APC: variants seen among roughly 807,000 people sequenced by gnomAD.
The protein encoded by APC is APC regulator of Wnt signaling pathway.
APC carries 72 observed loss-of-function variants against 247.0 expected under a neutral mutation model. That is an observed-to-expected ratio of 0.29 (90% CI 0.24 to 0.35). The LOEUF (loss-of-function observed/expected upper bound fraction) is 0.35. Ranked by LOEUF, APC falls within the 10% of genes least tolerant of loss-of-function variation. APC has a pLI of 1.00. For missense variants in APC, 3,400 were observed against 3,360.7 expected (o/e 1.01, Z -0.29); for synonymous variants, 1,254 against 1,162.5 (o/e 1.08, Z -1.60).
upstream of APC, among the ~76,000 whole-genome samples, chr5:112,736,476 A>G (rs562334591): frequency 3.9e-5 from 6 of 152,330 alleles, no homozygotes; most frequent in East Asian, 3.9e-4. Flanking sequence ...AATAACCTCT[A>G]TGGACATTTT....
intron 6 of APC, among the ~76,000 whole-genome samples, chr5:112,790,911 C>T (rs550933785): frequency 6.6e-6 from 1 of 152,176 alleles, no homozygotes; most frequent in Non-Finnish European, 1.5e-5. Flanking sequence ...AACACACACA[C>T]ACCCCTTATT....
intron 5 of APC, among the ~76,000 whole-genome samples, chr5:112,779,973 C>T (rs1758144655): frequency 6.6e-6 from 1 of 152,090 alleles, no homozygotes. Flanking sequence ...TATAACATTG[C>T]CTGATTCCCT....
rs1554088258 is a variant in APC, at chr5:112,842,929, A to G, written c.7335A>G (p.Lys2445=). 1 of 1,614,076 alleles carries G rather than the reference A, an allele frequency of 6.2e-7. No individual in the cohort carries two copies. The highest frequency in any genetic ancestry group is 8.5e-7 in the Non-Finnish European group (1 of 1,179,930). ...TAGTACGCCAGTCAACTTTCATCAA[A>G]GAAGCTCCAAGCCCAACCTTAAGAA... ...PVLVRQSTFI[K]EAPSPTLRRK... Residue 2445 remains lysine (K), a synonymous_variant, in exon 16 of 16, where the codon AAA becomes AAG. Transcript: ENST00000257430.
intron 5 of APC, chr5:112,777,856 C>T (rs878882512): frequency 4.8e-5 from 11 of 230,548 alleles, no homozygotes; most frequent in African/African-American, 2.1e-4. Context: ...TTTAGTTTGT[C>T]AGCAGCATCC....
intron 1 of APC, among the ~76,000 whole-genome samples, chr5:112,718,939 A>T (rs886987444): frequency 6.6e-6 from 1 of 152,234 alleles, no homozygotes; most frequent in African/African-American, 2.4e-5. Flanking sequence ...TTGCCTTTTA[A>T]TTCCTTTAAA....
intron 7 of APC, among the ~76,000 whole-genome samples, chr5:112,794,118 A>G (rs918734015): frequency 8.6e-5 from 13 of 151,336 alleles, no homozygotes; most frequent in Admixed American, 6.6e-4. Context: ...AAGTCTCTTT[A>G]AAAAGTTTCT....
intron 8 of APC, among the ~76,000 whole-genome samples, chr5:112,813,620 T>C (rs1762196302): frequency 6.6e-6 from 1 of 152,090 alleles, no homozygotes; most frequent in South Asian, 2.1e-4. Flanking sequence ...AAGAAAAGTT[T>C]CTAATACGTC....
intron 7 of APC, among the ~76,000 whole-genome samples, chr5:112,793,510 C>G (rs1012303780): frequency 2.0e-5 from 3 of 151,878 alleles, no homozygotes; most frequent in African/African-American, 7.3e-5. Flanking sequence ...TGGAAAAATT[C>G]ACCCAACAAA....
At chr5:112,791,156 AACACACAC>A (rs147798111) in intron 6 of APC, among the ~76,000 whole-genome samples, 1 of 150,672 alleles carries the variant, frequency 6.6e-6, no homozygotes, top group African/African-American at 2.4e-5. Context: ...TAGCTTAAAA[AACACACAC>A]ACACACACAC....
chr5:112,713,685 TGAGA>T (rs1294369408), intron 1 of APC, among the ~76,000 whole-genome samples: 2 of 152,212 alleles, frequency 1.3e-5, no homozygotes, highest in African/African-American at 2.4e-5. Context: ...GTTTATTTTC[TGAGA>T]GAGAGTCTCG....
Position 112,815,538 on chromosome 5 carries a change from G to A in APC, c.878G>A (p.Ser293Asn), listed in dbSNP as rs1040502776. The A allele has an allele frequency of 1.2e-6, 2 of 1,612,374 alleles. No individual in the cohort carries two copies. The highest frequency in any genetic ancestry group is 1.7e-6 in the Non-Finnish European group (2 of 1,178,926). The change falls in exon 9 of 16, where the codon AGT becomes AAT. Residue 293 changes from serine to asparagine, a missense_variant. Transcript: ENST00000257430. ...RMDHETASVL[S>N]SSSTHSAPRR... ...GACCATGAAACAGCCAGTGTTTTGA[G>A]TTCTAGTAGCACACACTCTGCACCT...
chr5:112,772,536 A>G (rs531954588), intron 4 of APC, among the ~76,000 whole-genome samples: 13 of 146,738 alleles, frequency 8.9e-5, no homozygotes, highest in Non-Finnish European at 1.9e-4. Flanking sequence ...TTTTTTTTTA[A>G]GACGAAATCT....
Position 112,731,550 on chromosome 5 carries a change from C to T in APC, c.165+23668C>T, listed in dbSNP as rs114058385. The stretch of plus-strand genomic sequence containing the variant: ...GTGAATACCTCCCATTAGGCTGCAG[C>T]TCCCAACACTGTTGCATTGGGGATT... On this transcript the variant is annotated intron_variant, in intron 1 of 13. Transcript: ENST00000507379. Among the ~76,000 whole-genome samples the T allele has an allele frequency of 3.8e-3, 576 of 152,300 alleles. 6 individuals carry two copies. The highest frequency in any genetic ancestry group is 0.013 in the African/African-American group (552 of 41,564).
intron 2 of APC, among the ~76,000 whole-genome samples, chr5:112,756,144 T>G (rs993002448): frequency 1.3e-5 from 2 of 152,234 alleles, no homozygotes; most frequent in African/African-American, 2.4e-5. Context: ...CTCCAGACTT[T>G]TGTGTGTCAC....
In APC at chr5:112,827,225, C is replaced by T; in HGVS notation, c.1526C>T (p.Thr509Ile). 1 of 1,613,856 alleles carries T rather than the reference C, an allele frequency of 6.2e-7. No homozygotes were observed. Among genetic ancestry groups the T allele is most frequent in the Non-Finnish European group, 8.5e-7 (1 of 1,179,882 alleles). The change falls in exon 12 of 16, where the codon ACT becomes ATT. Residue 509 changes from threonine to isoleucine, a missense_variant. By Grantham distance (89) the Thr-to-Ile change is moderately conservative. This residue lies in a region of APC where 184 missense variants were observed against 248.0 expected (regional missense o/e 0.74). Coordinates refer to ENST00000257430, the MANE Select transcript of APC (RefSeq NM_000038.6). ...GCTGGAATGGCTTTGACAAACTTGA[C>T]TTTTGGAGATGTAGCCAACAAGGTA... Reference protein sequence around the residue: ...RYAGMALTNLTFGDVANKATL... With the variant: ...RYAGMALTNLIFGDVANKATL...
intron 1 of APC, among the ~76,000 whole-genome samples, chr5:112,720,734 T>A (rs1173098873): frequency 6.6e-6 from 1 of 152,226 alleles, no homozygotes; most frequent in Non-Finnish European, 1.5e-5. Context: ...GGAGACATAG[T>A]AGCCCTGCTA....
At chr5:112,717,416 T>C (rs2149649780) in intron 1 of APC, among the ~76,000 whole-genome samples, 1 of 152,358 alleles carries the variant, frequency 6.6e-6, no homozygotes, top group South Asian at 2.1e-4. Context: ...CTTTACCATC[T>C]TTTTACTTTT....
At chr5:112,729,349 A>T (rs904227722) in intron 1 of APC, among the ~76,000 whole-genome samples, 1 of 152,238 alleles carries the variant, frequency 6.6e-6, no homozygotes, top group African/African-American at 2.4e-5. Context: ...AAACTCCATC[A>T]TGTGGTAGAA....
At chr5:112,794,242 G>A (rs2149690142) in intron 7 of APC, among the ~76,000 whole-genome samples, 1 of 152,152 alleles carries the variant, frequency 6.6e-6, no homozygotes, top group African/African-American at 2.4e-5. Flanking sequence ...CACCATGCCT[G>A]ACTAATTTTT....
Sources: allele counts gnomAD v4.1 joint callset (sites outside exome capture counted in the v4.1 genomes callset), GRCh38; gene constraint gnomAD v4.1.1; regional missense constraint gnomAD v4.1.1; transcripts MANE v1.5; gene names NCBI Gene and HGNC (gene_info 2026-07-23, HGNC 2026-07-21).